GATB: variants seen among roughly 807,000 people sequenced by gnomAD.
GATB encodes the protein glutamyl-tRNA amidotransferase subunit B.
Under a neutral mutation model 62.3 loss-of-function variants are expected in GATB, and 39 were observed. The ratio of observed to expected loss-of-function variants is 0.63; its 90% CI spans 0.48 to 0.82. The LOEUF (loss-of-function observed/expected upper bound fraction) is 0.82. Ranked by LOEUF, GATB falls within the 40% of genes least tolerant of loss-of-function variation. The pLI is 0.00. For missense variants in GATB, 670 were observed against 684.0 expected, an observed-to-expected ratio of 0.98 and a Z score of 0.23; for synonymous variants, 276 against 258.9, an observed-to-expected ratio of 1.07 and a Z score of -0.63.
At chr4:151,714,018 TA>T (rs1374975912) in intron 5 of GATB, among the ~76,000 whole-genome samples, 1 of 152,242 alleles carries the variant, frequency 6.6e-6, no homozygotes, top group African/African-American at 2.4e-5. Flanking sequence ...GAGCATATAT[TA>T]AATGTTCCAA....
intron 2 of GATB, among the ~76,000 whole-genome samples, chr4:151,729,215 G>A (rs1038459546): frequency 4.6e-5 from 7 of 152,100 alleles, no homozygotes; most frequent in African/African-American, 1.2e-4. Flanking sequence ...CCTTAATTAT[G>A]TTTGCTTTAG....
chr4:151,710,671 A>G (rs937379778), intron 5 of GATB, among the ~76,000 whole-genome samples: 5 of 152,092 alleles, frequency 3.3e-5, no homozygotes, highest in African/African-American at 1.2e-4. Context: ...TTCCTTCGTG[A>G]ATTATCTTCC....
intron 9 of GATB, among the ~76,000 whole-genome samples, chr4:151,689,791 G>C (rs1738325917): frequency 6.6e-6 from 1 of 152,130 alleles, no homozygotes; most frequent in Non-Finnish European, 1.5e-5. Context: ...TACTGCAACT[G>C]CCACAACTAT....
At chr4:151,696,771 G>C (rs1401824366) in intron 9 of GATB, among the ~76,000 whole-genome samples, 2 of 152,236 alleles carry the variant, frequency 1.3e-5, no homozygotes, top group Admixed American at 6.5e-5. Context: ...GTGAAGTAAA[G>C]CACAGAGTTT....
At chr4:151,704,789 C>T (rs529817451) in intron 7 of GATB, among the ~76,000 whole-genome samples, 1 of 151,210 alleles carries the variant, frequency 6.6e-6, no homozygotes, top group South Asian at 2.1e-4. Context: ...CGCTCTGTCG[C>T]CCAGGCTGGA....
intron 2 of GATB, chr4:151,721,284 C>T (rs1471433470): frequency 1.4e-4 from 22 of 152,176 alleles, no homozygotes; most frequent in Admixed American, 1.4e-3. Flanking sequence ...AAACAAATCT[C>T]CCGCCTAGTG....
intron 9 of GATB, among the ~76,000 whole-genome samples, chr4:151,690,283 A>C (rs913492361): frequency 6.6e-6 from 1 of 152,260 alleles, no homozygotes; most frequent in African/African-American, 2.4e-5. Flanking sequence ...TCTGGTGACA[A>C]GCCTGCTGAA....
chr4:151,749,506 G>T (rs1479212250), intron 2 of GATB, among the ~76,000 whole-genome samples: 1 of 147,690 alleles, frequency 6.8e-6, no homozygotes. Context: ...ACCAGGGCCT[G>T]TTGTGGGGTG....
rs1177402096 is a variant in GATB at position 151,703,017 on chromosome 4, G to T, written c.1007+834C>A. Among the ~76,000 whole-genome samples the T allele has an allele frequency of 2.0e-5, 3 of 152,188 alleles. No individual in the cohort carries two copies. In the East Asian group the frequency reaches 5.8e-4, roughly 29 times the overall value. ...AAGCCGGACTCCACACTCAGGGGAA[G>T]GCGCACCAACAGGGGAGGGAGCAAC... is the stretch of plus-strand genomic sequence containing the variant. On this transcript the variant is annotated intron_variant, in intron 8 of 12. Coordinates refer to ENST00000263985, the MANE Select transcript of GATB (RefSeq NM_004564.3).
At chr4:151,691,609 C>T (rs904676945) in intron 9 of GATB, 3 of 152,274 alleles carry the variant, frequency 2.0e-5, no homozygotes, top group Non-Finnish European at 2.9e-5. Context: ...GTCTACCCTG[C>T]ACTAGGCCCT....
chr4:151,752,175 C>T (rs1739734392), intron 2 of GATB, among the ~76,000 whole-genome samples: 1 of 152,186 alleles, frequency 6.6e-6, no homozygotes, highest in Admixed American at 6.5e-5. Flanking sequence ...TGATGTCTGA[C>T]TCCCAATCCT....
chr4:151,675,907 CAACT>C (rs1179532323), intron 11 of GATB: 1 of 152,230 alleles, frequency 6.6e-6, no homozygotes, highest in Non-Finnish European at 1.5e-5. Flanking sequence ...AGTTGCCACC[CAACT>C]GTTTCTAGCT....
chr4:151,692,536 G>T (rs1023961356), intron 9 of GATB, among the ~76,000 whole-genome samples: 2 of 152,292 alleles, frequency 1.3e-5, no homozygotes, highest in South Asian at 2.1e-4. Context: ...TGTACACCTA[G>T]GCCACGTGGC....
At chr4:151,683,607 G>A (rs1738188988) in intron 10 of GATB, among the ~76,000 whole-genome samples, 1 of 152,206 alleles carries the variant, frequency 6.6e-6, no homozygotes, top group South Asian at 2.1e-4. Flanking sequence ...TTCACACCTA[G>A]ACAATGTGCT....
chr4:151,684,475 A>G (rs111726488), intron 10 of GATB, among the ~76,000 whole-genome samples: 1 of 152,372 alleles, frequency 6.6e-6, no homozygotes, highest in African/African-American at 2.4e-5. Context: ...TCACGTAATC[A>G]TTCTCTACCA....
intron 9 of GATB, among the ~76,000 whole-genome samples, chr4:151,695,278 C>T (rs1040649730): frequency 6.6e-5 from 10 of 152,146 alleles, no homozygotes; most frequent in African/African-American, 1.9e-4. Flanking sequence ...TTGGCTGTGT[C>T]TGTCATCTTT....
chr4:151,740,460 G>A (rs2126992452), intron 2 of GATB, among the ~76,000 whole-genome samples: 1 of 152,296 alleles, frequency 6.6e-6, no homozygotes, highest in East Asian at 1.9e-4. Context: ...AAGTATTTGT[G>A]TATCTAAACA....
intron 10 of GATB, among the ~76,000 whole-genome samples, chr4:151,681,666 C>T (rs186326062): frequency 1.3e-3 from 200 of 152,270 alleles, no homozygotes; most frequent in Admixed American, 4.8e-3. Flanking sequence ...TTGCCTTGGT[C>T]TGTTTGGGCT....
Position 151,719,519 on chromosome 4 carries a change from A to G in GATB, c.347T>C (p.Val116Ala). The G allele has an allele frequency of 6.2e-7, 1 of 1,608,816 alleles. No individual in the cohort carries two copies. Among genetic ancestry groups the G allele is most frequent in the African/African-American group, 1.3e-5 (1 of 74,798 alleles). Reference protein sequence around the residue: ...GTLPVLNRRCVEAAVMTGLAL... With the variant: ...GTLPVLNRRCAEAAVMTGLAL... ...CAGGCCTGTCATCACCGCCGCTTCT[A>G]CACACCTCCTGTTGAGAACCTATGG... Residue 116 changes from valine to alanine, a missense_variant, in exon 3 of 13, where the codon GTA becomes GCA. Coordinates refer to ENST00000263985, the MANE Select transcript of GATB (RefSeq NM_004564.3).
Sources: gnomAD v4.1 joint callset for allele counts (sites outside exome capture counted in the v4.1 genomes callset) on GRCh38, gnomAD v4.1.1 for gene constraint, MANE v1.5 for transcripts, NCBI Gene and HGNC (gene_info 2026-07-23, HGNC 2026-07-21) for gene names.